Variants in TRAPPC9 observed in about 807,000 individuals in gnomAD.
TRAPPC9 encodes IKK2 binding protein.
TRAPPC9 carries 83 observed loss-of-function variants against 124.0 expected under a neutral mutation model. The ratio of observed to expected loss-of-function variants is 0.67; its 90% CI spans 0.56 to 0.80. TRAPPC9 has a LOEUF of 0.80. Ranked by LOEUF, TRAPPC9 falls within the 30% of genes least tolerant of loss-of-function variation. The pLI is 0.00. For synonymous variants in TRAPPC9, 638 were observed against 617.5 expected, an observed-to-expected ratio of 1.03 and a Z score of -0.49; for missense variants, 1,302 against 1,508.3, an observed-to-expected ratio of 0.86 and a Z score of 2.27.
chr8:139,800,986 C>CT (rs200018723), intron 21 of TRAPPC9, among the ~76,000 whole-genome samples: 18 of 150,902 alleles, frequency 1.2e-4, no homozygotes, highest in Middle Eastern at 3.4e-3. Flanking sequence ...GGCATCTTCC[C>CT]CCGCTCTGGC....
intron 17 of TRAPPC9, among the ~76,000 whole-genome samples, chr8:140,075,116 G>A (rs1843427804): frequency 6.6e-6 from 1 of 152,090 alleles, no homozygotes; most frequent in Non-Finnish European, 1.5e-5. Context: ...GACCATCAGA[G>A]CCCTGCAGAC....
intron 17 of TRAPPC9, among the ~76,000 whole-genome samples, chr8:140,075,832 G>C (rs1173761660): frequency 6.6e-6 from 1 of 152,200 alleles, no homozygotes; most frequent in African/African-American, 2.4e-5. Flanking sequence ...TGCAACAGCT[G>C]TAAGGAAAAT....
intron 15 of TRAPPC9, among the ~76,000 whole-genome samples, chr8:140,259,808 C>T (rs1286057437): frequency 6.6e-6 from 1 of 152,222 alleles, no homozygotes; most frequent in Non-Finnish European, 1.5e-5. Flanking sequence ...CACCCCTTCC[C>T]ATGCAATGGC....
chr8:140,158,000 G>A (rs1221037085), intron 17 of TRAPPC9, among the ~76,000 whole-genome samples: 3 of 152,098 alleles, frequency 2.0e-5, no homozygotes, highest in African/African-American at 7.2e-5. Flanking sequence ...ATGGTCATAT[G>A]TCATAATTTC....
chr8:140,065,115 C>A (rs995086993), intron 17 of TRAPPC9, among the ~76,000 whole-genome samples: 3 of 152,174 alleles, frequency 2.0e-5, no homozygotes, highest in Admixed American at 2.0e-4. Flanking sequence ...TGTATTGATG[C>A]TCCTTACCAC....
rs556612570 is a variant in TRAPPC9 at position 139,782,586 on chromosome 8, G to T, written c.3056-50384C>A. Among the ~76,000 whole-genome samples, 17 of 152,340 alleles carry T rather than the reference G, an allele frequency of 1.1e-4. No homozygotes were observed. In the South Asian group the frequency reaches 3.5e-3, roughly 32 times the overall value. Reference sequence around the variant, plus strand: ...TCGTTAAGTAAAATCTAATGGAGCTGATTGGTAACAGACAAATCTGCTATG... The same window carrying T: ...TCGTTAAGTAAAATCTAATGGAGCTTATTGGTAACAGACAAATCTGCTATG... On this transcript the variant is annotated intron_variant, in intron 21 of 22. Coordinates refer to ENST00000438773, the MANE Select transcript of TRAPPC9 (RefSeq NM_001160372.4).
intron 17 of TRAPPC9, among the ~76,000 whole-genome samples, chr8:140,123,936 GT>G (rs957307216): frequency 6.6e-6 from 1 of 152,140 alleles, no homozygotes; most frequent in African/African-American, 2.4e-5. Flanking sequence ...TACAACCAAG[GT>G]TCATTTCTTC....
At chr8:139,982,644 TCAC>T (rs1836988666) in intron 19 of TRAPPC9, among the ~76,000 whole-genome samples, 1 of 152,208 alleles carries the variant, frequency 6.6e-6, no homozygotes, top group South Asian at 2.1e-4. Flanking sequence ...AACTGATGTA[TCAC>T]ACATGCCACA....
At chr8:139,859,617 G>C (rs1587006315) in intron 21 of TRAPPC9, among the ~76,000 whole-genome samples, 3 of 152,208 alleles carry the variant, frequency 2.0e-5, no homozygotes, top group African/African-American at 7.2e-5. Context: ...CACACAGAAT[G>C]GGTCCTGATG....
At chr8:140,134,779 G>A (rs1318844516) in intron 17 of TRAPPC9, among the ~76,000 whole-genome samples, 2 of 152,142 alleles carry the variant, frequency 1.3e-5, no homozygotes, top group Non-Finnish European at 2.9e-5. Flanking sequence ...ACCTAGACTT[G>A]TCAATAACAC....
chr8:139,949,319 T>C (rs1834483050), intron 19 of TRAPPC9, among the ~76,000 whole-genome samples: 1 of 152,190 alleles, frequency 6.6e-6, no homozygotes, highest in Non-Finnish European at 1.5e-5. Flanking sequence ...AACATGTAAC[T>C]CACCAAAGCT....
intron 17 of TRAPPC9, among the ~76,000 whole-genome samples, chr8:140,171,695 G>C (rs1413517263): frequency 1.5e-4 from 23 of 152,162 alleles, no homozygotes; most frequent in Admixed American, 1.5e-3. Flanking sequence ...ATCTGAGGGG[G>C]ACAAAGGGAC....
intron 17 of TRAPPC9, among the ~76,000 whole-genome samples, chr8:140,115,911 C>A (rs1047253059): frequency 2.6e-5 from 4 of 152,164 alleles, no homozygotes; most frequent in African/African-American, 9.7e-5. Flanking sequence ...TCGTGAACAC[C>A]TATAAGACCA....
chr8:140,051,216 T>C (rs976295972), intron 17 of TRAPPC9, among the ~76,000 whole-genome samples: 11 of 152,142 alleles, frequency 7.2e-5, no homozygotes, highest in Non-Finnish European at 1.6e-4. Flanking sequence ...GGTGGAGCCT[T>C]TAAAATCAGG....
At chr8:139,739,384 C>G (rs1405441540) in intron 21 of TRAPPC9, among the ~76,000 whole-genome samples, 1 of 152,362 alleles carries the variant, frequency 6.6e-6, no homozygotes, top group African/African-American at 2.4e-5. Flanking sequence ...TTCCATGCTC[C>G]TCGCCTGCCT....
chr8:139,731,822 G>C (rs1817842230), intron 22 of TRAPPC9, among the ~76,000 whole-genome samples, 157 bp downstream of exon 22: 1 of 152,162 alleles, frequency 6.6e-6, no homozygotes, highest in Non-Finnish European at 1.5e-5. Flanking sequence ...TGCAGTGAAT[G>C]GGGCAGACTC....
chr8:139,798,179 C>T (rs1823235351), intron 21 of TRAPPC9, among the ~76,000 whole-genome samples: 3 of 152,156 alleles, frequency 2.0e-5, no homozygotes, highest in Admixed American at 2.0e-4. Flanking sequence ...TCTTTAATTT[C>T]TTTTAACAAT....
At chr8:139,870,587 C>T (rs192466980) in intron 21 of TRAPPC9, among the ~76,000 whole-genome samples, 1 of 152,124 alleles carries the variant, frequency 6.6e-6, no homozygotes, top group Non-Finnish European at 1.5e-5. Context: ...AAAGAATGCA[C>T]CAGCTCCACA....
At chr8:139,748,724 G>A (rs988870350) in intron 21 of TRAPPC9, among the ~76,000 whole-genome samples, 1 of 152,064 alleles carries the variant, frequency 6.6e-6, no homozygotes, top group Non-Finnish European at 1.5e-5. Flanking sequence ...CCCTCCCAGG[G>A]ACCTCTGTTG....
Sources: allele counts gnomAD v4.1 joint callset (sites outside exome capture counted in the v4.1 genomes callset), GRCh38; gene constraint gnomAD v4.1.1; transcripts MANE v1.5; gene names NCBI Gene and HGNC (gene_info 2026-07-23, HGNC 2026-07-21).